Variants in PTPRZ1 observed in about 807,000 individuals in gnomAD.
The protein encoded by PTPRZ1 is receptor-type tyrosine-protein phosphatase zeta.
Under a neutral mutation model 214.1 loss-of-function variants are expected in PTPRZ1, and 82 were observed. That is an observed-to-expected ratio of 0.38 (90% CI 0.32 to 0.46). The LOEUF is 0.46. PTPRZ1 is among the 20% of genes least tolerant of loss of function. The probability of loss-of-function intolerance (pLI) is 1.00; values close to 1 mark genes in which losing one functional copy is unlikely to be tolerated. For missense variants in PTPRZ1, 2,603 were observed against 2,748.7 expected (o/e 0.95, Z 1.19); for synonymous variants, 945 against 987.9 (o/e 0.96, Z 0.81).
intron 23 of PTPRZ1, among the ~76,000 whole-genome samples, chr7:122,045,585 A>G (rs777466063): frequency 9.9e-5 from 15 of 152,002 alleles, no homozygotes; most frequent in African/African-American, 2.2e-4. Context: ...TCATAAAGGA[A>G]TGCCTTAGGG....
intron 1 of PTPRZ1, among the ~76,000 whole-genome samples, chr7:121,900,653 G>A (rs1794929417): frequency 6.6e-6 from 1 of 152,188 alleles, no homozygotes; most frequent in East Asian, 1.9e-4. Context: ...AAGTCATGCT[G>A]CCCAATTTAT....
chr7:121,889,395 G>T (rs1794510262), intron 1 of PTPRZ1, among the ~76,000 whole-genome samples: 1 of 152,078 alleles, frequency 6.6e-6, no homozygotes, highest in Non-Finnish European at 1.5e-5. Flanking sequence ...CCTGAAGCAA[G>T]GTTTTGTGTG....
At chr7:121,983,875 T>G in intron 7 of PTPRZ1, 53 bp downstream of exon 7, 1 of 1,594,068 alleles carries the variant, frequency 6.3e-7, no homozygotes, top group African/African-American at 1.3e-5. Flanking sequence ...TTAAAAAACA[T>G]TATGTTCTAA....
At chr7:122,022,478 C>T (rs1016857001) in intron 13 of PTPRZ1, among the ~76,000 whole-genome samples, 3 of 152,080 alleles carry the variant, frequency 2.0e-5, no homozygotes, top group Non-Finnish European at 2.9e-5. Context: ...AGAAGCTCCC[C>T]GTACAGAGAC....
chr7:121,902,991 C>T (rs1183935554), intron 1 of PTPRZ1, among the ~76,000 whole-genome samples: 1 of 151,940 alleles, frequency 6.6e-6, no homozygotes, highest in East Asian at 1.9e-4. Flanking sequence ...ACAGAGATAA[C>T]AGCTGTCTAC....
chr7:121,944,061 A>G (rs778152027), intron 2 of PTPRZ1, among the ~76,000 whole-genome samples: 6 of 152,202 alleles, frequency 3.9e-5, no homozygotes, highest in African/African-American at 1.2e-4. Context: ...ATCTGCATCA[A>G]TAGAGATGAG....
intron 4 of PTPRZ1, 118 bp from the exon 5 acceptor site, chr7:121,976,055 T>G (rs1797421919): frequency 3.5e-6 from 2 of 571,764 alleles, no homozygotes; most frequent in African/African-American, 3.7e-5. Context: ...TGATAGCAAA[T>G]GTAGTTGTAT....
intron 1 of PTPRZ1, among the ~76,000 whole-genome samples, chr7:121,910,021 A>C (rs188331938): frequency 2.6e-5 from 4 of 152,346 alleles, no homozygotes; most frequent in African/African-American, 9.6e-5. Context: ...GACAGTTTGC[A>C]ATGTAGAAAA....
intron 2 of PTPRZ1, among the ~76,000 whole-genome samples, chr7:121,955,186 A>G (rs1796666251): frequency 6.6e-6 from 1 of 152,224 alleles, no homozygotes; most frequent in Non-Finnish European, 1.5e-5. Context: ...CCATATCTAT[A>G]ATAAGTATGT....
intron 15 of PTPRZ1, among the ~76,000 whole-genome samples, chr7:122,033,490 T>G (rs2150471263): frequency 6.6e-6 from 1 of 151,794 alleles, no homozygotes; most frequent in South Asian, 2.1e-4. Flanking sequence ...ATAAATTTTC[T>G]TTACTTACTG....
At chr7:121,941,364 T>C (rs1483599551) in intron 2 of PTPRZ1, among the ~76,000 whole-genome samples, 1 of 152,196 alleles carries the variant, frequency 6.6e-6, no homozygotes, top group African/African-American at 2.4e-5. Flanking sequence ...GTTGTTTAAG[T>C]GATGTGGGAA....
At chr7:122,003,209 A>G (rs979203098) in intron 10 of PTPRZ1, among the ~76,000 whole-genome samples, 1 of 152,182 alleles carries the variant, frequency 6.6e-6, no homozygotes, top group Non-Finnish European at 1.5e-5. Context: ...GGAGACCACT[A>G]ATGATCAAAA....
At position 122,050,278 on chromosome 7, in the gene PTPRZ1, A is replaced by G. The variant is rs148109101; in HGVS notation, c.6085-1150A>G. Among the ~76,000 whole-genome samples the G allele has an allele frequency of 6.5e-3, 983 of 151,594 alleles. 20 individuals are homozygous for G. The highest frequency in any genetic ancestry group is 0.021 in the African/African-American group (886 of 41,312). ...GGTAATATGGTGAAACCCCTTCTCT[A>G]TAAAAAATACCAAAATTAGCCAGGT... is the stretch of plus-strand genomic sequence containing the variant. On this transcript the variant is annotated intron_variant, in intron 23 of 29. Transcript: ENST00000393386.
chr7:122,039,464 A>G lies in PTPRZ1; in HGVS notation c.5513A>G (p.Asp1838Gly). Residue 1838 changes from aspartate (D) to glycine (G), a missense_variant, in exon 20 of 30, where the codon GAT becomes GGT. This residue lies in a region of PTPRZ1 where 1,913 missense variants were observed against 1,914.3 expected (regional missense o/e 1.00). Coordinates refer to ENST00000393386, the MANE Select transcript of PTPRZ1 (RefSeq NM_002851.3). The part of the protein sequence containing the change: ...NLVEKGRRKC[D>G]QYWPADGSEE... ...CATTTTCTTTTGCAGAGAAAATGTG[A>G]TCAGTACTGGCCTGCCGATGGGAGT... 1 of 1,611,068 alleles carries G rather than the reference A, an allele frequency of 6.2e-7. No individual in the cohort carries two copies.
At chr7:122,053,729 G>A (rs574294748) in intron 25 of PTPRZ1, among the ~76,000 whole-genome samples, 181 bp from the exon 26 acceptor site, 3 of 152,170 alleles carry the variant, frequency 2.0e-5, no homozygotes, top group African/African-American at 7.2e-5. Context: ...AACACATAGT[G>A]TCACACCTAA....
chr7:121,906,814 G>A (rs1175523583), intron 1 of PTPRZ1, among the ~76,000 whole-genome samples: 1 of 151,984 alleles, frequency 6.6e-6, no homozygotes, highest in East Asian at 1.9e-4. Flanking sequence ...TAAATGGTCA[G>A]GTTTTGCTCA....
chr7:121,940,824 C>A (rs1473598304), intron 2 of PTPRZ1, among the ~76,000 whole-genome samples: 3 of 151,692 alleles, frequency 2.0e-5, no homozygotes, highest in African/African-American at 7.3e-5. Flanking sequence ...AAAAAGGGCT[C>A]TTTAGCTTGG....
chr7:122,061,797 T>C lies in PTPRZ1; in HGVS notation c.*577T>C, dbSNP rs1444298752. ...ACTACTGAGTCAAGTTTTCTAGTTC[T>C]GTGTAATTGTTTAGTTTAATGACGT... On this transcript the variant is annotated 3_prime_UTR_variant, in exon 30 of 30. Transcript: ENST00000393386. 6.6e-6 allele frequency: 1 copy of C among 152,632 alleles called. No individual in the cohort carries two copies. Among genetic ancestry groups the C allele is most frequent in the Non-Finnish European group, 1.5e-5 (1 of 68,030 alleles). The allele number at this position is 152,632 out of a possible 1,614,324, so 9.5% of individuals were successfully genotyped here.
chr7:121,965,221 T>G (rs1454530214), intron 2 of PTPRZ1, among the ~76,000 whole-genome samples: 3 of 152,186 alleles, frequency 2.0e-5, no homozygotes, highest in Non-Finnish European at 4.4e-5. Flanking sequence ...GCTTTTCTGC[T>G]TAGGGTCTCA....
Sources: gnomAD v4.1 joint callset for allele counts (sites outside exome capture counted in the v4.1 genomes callset) on GRCh38, gnomAD v4.1.1 for gene constraint, gnomAD v4.1.1 regional missense constraint, MANE v1.5 for transcripts, NCBI Gene and HGNC (gene_info 2026-07-23, HGNC 2026-07-21) for gene names.